NRXN1: variants seen among roughly 807,000 people sequenced by gnomAD.
NRXN1 encodes the protein neurexin 1.
Under a neutral mutation model 150.9 loss-of-function variants are expected in NRXN1, and 39 were observed. The observed-to-expected ratio is 0.26, with a 90% CI of 0.20 to 0.34. The LOEUF (loss-of-function observed/expected upper bound fraction) is 0.34, where lower values mean the gene tolerates loss of function less well. NRXN1 is among the 10% of genes least tolerant of loss of function. The pLI is 1.00. For synonymous variants in NRXN1, 924 were observed against 757.0 expected, an observed-to-expected ratio of 1.22 and a Z score of -3.62; for missense variants, 1,815 against 1,949.9, an observed-to-expected ratio of 0.93 and a Z score of 1.30.
intron 2 of NRXN1, among the ~76,000 whole-genome samples, chr2:50,988,816 G>C (rs938130787): frequency 6.6e-5 from 10 of 151,886 alleles, no homozygotes; most frequent in South Asian, 4.1e-4. Context: ...CCTAAATTAT[G>C]CACCCTGCCT....
chr2:50,777,188 T>C (rs547272595), intron 5 of NRXN1, among the ~76,000 whole-genome samples: 8 of 152,272 alleles, frequency 5.3e-5, no homozygotes, highest in East Asian at 1.9e-4. Context: ...AGATTTTATA[T>C]ATTGCTTAAA....
chr2:50,524,700 T>C (rs1307269305), intron 12 of NRXN1, among the ~76,000 whole-genome samples: 2 of 152,004 alleles, frequency 1.3e-5, no homozygotes, highest in South Asian at 4.1e-4. Flanking sequence ...ATATGACAAT[T>C]AGGACTTACC....
At chr2:50,548,677 A>C (rs568666233) in intron 9 of NRXN1, among the ~76,000 whole-genome samples, 1 of 151,910 alleles carries the variant, frequency 6.6e-6, no homozygotes, top group African/African-American at 2.4e-5. Flanking sequence ...ATAAAAAAAT[A>C]AATACAATTT....
chr2:50,935,797 T>C (rs1688457974), intron 2 of NRXN1, among the ~76,000 whole-genome samples: 1 of 151,752 alleles, frequency 6.6e-6, no homozygotes. Context: ...AAATTATCTA[T>C]GGGATGAAAT....
chr2:50,546,219 T>C (rs1005688108), intron 9 of NRXN1, among the ~76,000 whole-genome samples: 1 of 152,154 alleles, frequency 6.6e-6, no homozygotes, highest in African/African-American at 2.4e-5. Context: ...TGTATAGTAA[T>C]ATTGGCCTGG....
chr2:51,003,985 A>T (rs1465442626), intron 2 of NRXN1, among the ~76,000 whole-genome samples: 1 of 151,788 alleles, frequency 6.6e-6, no homozygotes, highest in Non-Finnish European at 1.5e-5. Flanking sequence ...TTCCTCCCAG[A>T]ATGCCTTCGC....
chr2:50,318,609 A>C (rs548724671), intron 17 of NRXN1, among the ~76,000 whole-genome samples: 2 of 152,240 alleles, frequency 1.3e-5, no homozygotes, highest in South Asian at 4.1e-4. Flanking sequence ...AGTGGTAAGA[A>C]TGATTAAATT....
At chr2:49,982,489 C>A (rs1183268108) in intron 21 of NRXN1, among the ~76,000 whole-genome samples, 2 of 151,762 alleles carry the variant, frequency 1.3e-5, no homozygotes, top group African/African-American at 2.4e-5. Flanking sequence ...AAAAAACACA[C>A]AAAATCCCAC....
At chr2:50,468,545 G>A (rs1034483401) in intron 16 of NRXN1, among the ~76,000 whole-genome samples, 16 of 149,428 alleles carry the variant, frequency 1.1e-4, no homozygotes, top group African/African-American at 3.7e-4. Context: ...AATAAAATTA[G>A]GAAAAAGCTA....
At chr2:50,595,254 A>G (rs1486527402) in intron 8 of NRXN1, among the ~76,000 whole-genome samples, 2 of 152,020 alleles carry the variant, frequency 1.3e-5, no homozygotes, top group Non-Finnish European at 2.9e-5. Context: ...TTGACAGAAA[A>G]CATATTCTGG....
At chr2:50,267,755 T>C (rs1050952617) in intron 17 of NRXN1, among the ~76,000 whole-genome samples, 6 of 152,186 alleles carry the variant, frequency 3.9e-5, no homozygotes, top group South Asian at 2.1e-4. Context: ...GTAACCGTTG[T>C]ATAAATAATG....
chr2:50,060,146 G>A (rs370419932), intron 19 of NRXN1, among the ~76,000 whole-genome samples: 11 of 152,142 alleles, frequency 7.2e-5, no homozygotes, highest in Admixed American at 3.9e-4. Context: ...GGAGGGAAGC[G>A]GCTGTACCCT....
chr2:50,922,700 CAA>C lies in NRXN1; in HGVS notation c.791-15_791-14del, dbSNP rs1686230556. The C allele has an allele frequency of 6.2e-7, 1 of 1,609,982 alleles. No homozygotes were observed. Among genetic ancestry groups the C allele is most frequent in the African/African-American group, 1.3e-5 (1 of 74,820 alleles). ...AGGTGCGCCAGACCTTGAAGGGAAACAAGAGCACAGTCAGCAATAAACAAGGG... is the reference window on the plus strand; with the variant it reads ...AGGTGCGCCAGACCTTGAAGGGAAACGAGCACAGTCAGCAATAAACAAGGG... On this transcript the variant is annotated splice_polypyrimidine_tract_variant and intron_variant, in intron 3 of 22. Transcript: ENST00000401669.
chr2:50,864,191 T>TCATC, intron 5 of NRXN1, among the ~76,000 whole-genome samples: 1 of 152,110 alleles, frequency 6.6e-6, no homozygotes, highest in South Asian at 2.1e-4. Flanking sequence ...ATGCATGCAT[T>TCATC]CATCCATTTA....
intron 5 of NRXN1, among the ~76,000 whole-genome samples, chr2:50,706,909 A>G (rs557577123): frequency 5.3e-5 from 8 of 151,682 alleles, no homozygotes; most frequent in African/African-American, 1.9e-4. Context: ...AAAGCCTTCT[A>G]GTTTTCCTTG....
At chr2:50,592,209 T>C (rs1282824658) in intron 8 of NRXN1, among the ~76,000 whole-genome samples, 1 of 152,218 alleles carries the variant, frequency 6.6e-6, no homozygotes, top group Non-Finnish European at 1.5e-5. Context: ...TTTAAGGAAA[T>C]TAAGAAACTT....
At chr2:50,004,879 G>A (rs1295381390) in intron 21 of NRXN1, among the ~76,000 whole-genome samples, 5 of 152,178 alleles carry the variant, frequency 3.3e-5, no homozygotes, top group Non-Finnish European at 5.9e-5. Flanking sequence ...ACAAACTGAG[G>A]CCAAAAGCTA....
chr2:50,461,026 A>G (rs2104609532), intron 17 of NRXN1, among the ~76,000 whole-genome samples: 1 of 152,150 alleles, frequency 6.6e-6, no homozygotes, highest in African/African-American at 2.4e-5. Context: ...TTTTAAAAAT[A>G]TATGTTATGA....
intron 5 of NRXN1, among the ~76,000 whole-genome samples, chr2:50,624,316 G>A (rs756436975): frequency 3.3e-5 from 5 of 152,026 alleles, no homozygotes; most frequent in Non-Finnish European, 7.4e-5. Context: ...CAAGAGCTCT[G>A]ATCAGAGAAA....
Sources: allele counts gnomAD v4.1 joint callset (sites outside exome capture counted in the v4.1 genomes callset), GRCh38; gene constraint gnomAD v4.1.1; transcripts MANE v1.5; gene names NCBI Gene and HGNC (gene_info 2026-07-23, HGNC 2026-07-21).